Variants in EIF4G3 observed in about 807,000 individuals in gnomAD.
The protein encoded by EIF4G3 is eukaryotic translation initiation factor 4 gamma 3, also known as eIF-4-gamma 3.
EIF4G3 carries 34 observed loss-of-function variants against 186.4 expected under a neutral mutation model. That is an observed-to-expected ratio of 0.18 (90% CI 0.14 to 0.24). EIF4G3 has a LOEUF of 0.24. Among genes scored for constraint, EIF4G3 ranks in the 10% least tolerant of loss-of-function variants. The probability of loss-of-function intolerance (pLI) is 1.00; values close to 1 mark genes in which losing one functional copy is unlikely to be tolerated. For missense variants in EIF4G3, 1,536 were observed against 1,948.5 expected, an observed-to-expected ratio of 0.79 and a Z score of 3.99; for synonymous variants, 673 against 679.5, an observed-to-expected ratio of 0.99 and a Z score of 0.15.
chr1:20,830,888 C>T (rs2064976223), intron 30 of EIF4G3, among the ~76,000 whole-genome samples: 1 of 152,076 alleles, frequency 6.6e-6, no homozygotes, highest in Non-Finnish European at 1.5e-5. Context: ...TTCTTAAATC[C>T]TGTTGCATGA....
intron 4 of EIF4G3, among the ~76,000 whole-genome samples, chr1:21,031,694 C>A (rs560066535): frequency 1.7e-4 from 26 of 152,278 alleles, no homozygotes; most frequent in African/African-American, 6.3e-4. Flanking sequence ...AGAGATTCTA[C>A]AAGCAATCTC....
At chr1:21,072,124 TATC>T (rs1391619749) in intron 3 of EIF4G3, among the ~76,000 whole-genome samples, 1 of 152,230 alleles carries the variant, frequency 6.6e-6, no homozygotes, top group Non-Finnish European at 1.5e-5. Flanking sequence ...CTAAGTTTTG[TATC>T]ATGTACATCT....
intron 4 of EIF4G3, among the ~76,000 whole-genome samples, chr1:21,009,017 A>C (rs548785118): frequency 1.3e-5 from 2 of 152,200 alleles, no homozygotes; most frequent in African/African-American, 4.8e-5. Context: ...ATCATCTTAG[A>C]GCTGGTAAAG....
At chr1:21,043,863 C>A (rs1409230228) in intron 4 of EIF4G3, among the ~76,000 whole-genome samples, 2 of 125,732 alleles carry the variant, frequency 1.6e-5, no homozygotes. Flanking sequence ...AGAGTGAAAC[C>A]TTGGCGCAAA....
At chr1:20,891,852 G>A (rs1164557515) in intron 18 of EIF4G3, among the ~76,000 whole-genome samples, 3 of 151,392 alleles carry the variant, frequency 2.0e-5, no homozygotes, top group African/African-American at 4.9e-5. Flanking sequence ...TTTCTGGTGA[G>A]GTAACTCAAG....
chr1:20,985,798 A>G (rs2079343192), intron 7 of EIF4G3, among the ~76,000 whole-genome samples: 2 of 152,178 alleles, frequency 1.3e-5, no homozygotes, highest in African/African-American at 2.4e-5. Flanking sequence ...TAAAGTCTGA[A>G]TATCTTTTAT....
At chr1:20,938,317 C>T (rs966355528) in intron 14 of EIF4G3, among the ~76,000 whole-genome samples, 2 of 152,288 alleles carry the variant, frequency 1.3e-5, no homozygotes, top group Non-Finnish European at 2.9e-5. Flanking sequence ...TTTTTATTCA[C>T]TCAGAAATAT....
chr1:20,944,705 TA>T (rs2095866009), intron 13 of EIF4G3, among the ~76,000 whole-genome samples: 1 of 152,050 alleles, frequency 6.6e-6, no homozygotes, highest in African/African-American at 2.4e-5. Flanking sequence ...CTATGATTGA[TA>T]AACTTCTATA....
At position 20,825,988 on chromosome 1, in the gene EIF4G3, T is replaced by C. The variant is rs2063514199; in HGVS notation, c.4270-790A>G. The stretch of plus-strand genomic sequence containing the variant: ...GAGGCTGTTGCTGTCATCTGAGAGG[T>C]ATGTATTAATTACTTCATAGAGTAA... On this transcript the variant is annotated intron_variant, in intron 32 of 36. Transcript: ENST00000602326. 2.6e-5 allele frequency among the ~76,000 whole-genome samples: 4 copies of C among 152,102 alleles called. No individual in the cohort carries two copies. In the South Asian group the frequency reaches 8.3e-4, roughly 31 times the overall value.
chr1:20,941,991 T>C lies in EIF4G3; in HGVS notation c.1163A>G (p.Asp388Gly). Reference sequence around the variant, plus strand: ...ACAGGGTTTCTTGCATATATCATCATCATTTTCATTTGTTGGTAAAGGGTC... The same window carrying C: ...ACAGGGTTTCTTGCATATATCATCACCATTTTCATTTGTTGGTAAAGGGTC... ...TSDPLPTNEN[D>G]DDICKKPCSV... is the part of the protein sequence containing the mutation. Residue 388 changes from aspartate to glycine, a missense_variant, in exon 14 of 37, where the codon GAT becomes GGT. By Grantham distance (94) the Asp-to-Gly change is moderately conservative (BLOSUM62 -1). Coordinates refer to ENST00000602326, the MANE Select transcript of EIF4G3 (RefSeq NM_001391906.1). The C allele has an allele frequency of 6.2e-7, 1 of 1,614,232 alleles. No individual in the cohort carries two copies. The highest frequency in any genetic ancestry group is 8.5e-7 in the Non-Finnish European group (1 of 1,180,038).
At chr1:21,146,468 A>C (rs1331205599) in intron 2 of EIF4G3, among the ~76,000 whole-genome samples, 1 of 152,226 alleles carries the variant, frequency 6.6e-6, no homozygotes, top group Non-Finnish European at 1.5e-5. Flanking sequence ...TATTTAAAAA[A>C]TATTAAAATT....
At chr1:20,824,180 C>T (rs189715707) in intron 33 of EIF4G3, among the ~76,000 whole-genome samples, 12 of 152,330 alleles carry the variant, frequency 7.9e-5, no homozygotes, top group African/African-American at 2.9e-4. Context: ...ACTTCCACCT[C>T]TTCTAAGTCC....
chr1:20,888,657 T>C (rs1211442479), intron 18 of EIF4G3, among the ~76,000 whole-genome samples: 19 of 152,142 alleles, frequency 1.2e-4, no homozygotes, highest in Non-Finnish European at 8.8e-5. Context: ...TGTTTTCTCA[T>C]ATATACAATG....
At chr1:20,981,790 T>C (rs185936342) in intron 8 of EIF4G3, among the ~76,000 whole-genome samples, 1 of 151,952 alleles carries the variant, frequency 6.6e-6, no homozygotes, top group African/African-American at 2.4e-5. Flanking sequence ...CATACATATA[T>C]GTATACACAC....
intron 36 of EIF4G3, among the ~76,000 whole-genome samples, 192 bp from the exon 37 acceptor site, chr1:20,807,692 A>C (rs1021678503): frequency 2.6e-5 from 4 of 152,120 alleles, no homozygotes; most frequent in African/African-American, 9.7e-5. Flanking sequence ...GAGGAAAAAA[A>C]GATTGAAGCA....
chr1:21,081,571 A>G (rs1029535353), intron 3 of EIF4G3, among the ~76,000 whole-genome samples: 3 of 152,184 alleles, frequency 2.0e-5, no homozygotes, highest in Non-Finnish European at 1.5e-5. Flanking sequence ...AAACCAGGTT[A>G]AAATAAACAA....
At chr1:21,089,526 C>T (rs1398107149) in intron 2 of EIF4G3, among the ~76,000 whole-genome samples, 1 of 152,084 alleles carries the variant, frequency 6.6e-6, no homozygotes, top group African/African-American at 2.4e-5. Context: ...ACTGGCTGGG[C>T]ACAGTGGCTC....
chr1:20,906,284 T>C (rs2092065813), intron 14 of EIF4G3, among the ~76,000 whole-genome samples: 1 of 152,188 alleles, frequency 6.6e-6, no homozygotes, highest in South Asian at 2.1e-4. Flanking sequence ...TCAGCAGTTG[T>C]CTCTTTGCAT....
intron 2 of EIF4G3, among the ~76,000 whole-genome samples, chr1:21,128,681 T>G (rs1441118815): frequency 6.6e-6 from 1 of 152,200 alleles, no homozygotes; most frequent in Non-Finnish European, 1.5e-5. Context: ...TTAATCTCTA[T>G]TCTTATTAAT....
Sources: allele counts gnomAD v4.1 joint callset (sites outside exome capture counted in the v4.1 genomes callset), GRCh38; gene constraint gnomAD v4.1.1; transcripts MANE v1.5; gene names NCBI Gene and HGNC (gene_info 2026-07-23, HGNC 2026-07-21).